GSK3B: variants seen among roughly 807,000 people sequenced by gnomAD.
The protein encoded by GSK3B is glycogen synthase kinase 3 beta.
GSK3B carries 15 observed loss-of-function variants against 56.4 expected under a neutral mutation model. The ratio of observed to expected loss-of-function variants is 0.27; its 90% CI spans 0.18 to 0.41. The LOEUF is 0.41. Among genes scored for constraint, GSK3B ranks in the 10% least tolerant of loss-of-function variants. The pLI, the probability that GSK3B is intolerant of heterozygous loss-of-function variation, is 1.00. For synonymous variants in GSK3B, 181 were observed against 188.9 expected (o/e 0.96, Z 0.34); for missense variants, 300 against 513.4 (o/e 0.58, Z 4.02).
intron 2 of GSK3B, among the ~76,000 whole-genome samples, chr3:119,977,761 T>C (rs1228583067): frequency 6.6e-6 from 1 of 151,802 alleles, no homozygotes; most frequent in African/African-American, 2.4e-5. Flanking sequence ...TTTAAGAGAG[T>C]ATAAAACCAA....
At chr3:119,905,939 TCA>T (rs2056678390) in intron 6 of GSK3B, 87 bp from the exon 7 acceptor site, 1 of 785,204 alleles carries the variant, frequency 1.3e-6, no homozygotes, top group African/African-American at 1.7e-5. Context: ...TTTACTTTGA[TCA>T]CAGAGTAAAT....
chr3:119,841,861 T>C (rs1318055442), intron 10 of GSK3B, among the ~76,000 whole-genome samples: 1 of 152,248 alleles, frequency 6.6e-6, no homozygotes, highest in Non-Finnish European at 1.5e-5. Flanking sequence ...GTTTTAAATC[T>C]TTATTAGCAA....
At chr3:120,033,822 A>T (rs766227592) in intron 1 of GSK3B, among the ~76,000 whole-genome samples, 7 of 151,958 alleles carry the variant, frequency 4.6e-5, no homozygotes, top group Non-Finnish European at 8.8e-5. Context: ...CCACGGTAAG[A>T]TGTGCTTTCT....
chr3:120,038,866 C>T (rs1199407386), intron 1 of GSK3B, among the ~76,000 whole-genome samples: 4 of 150,536 alleles, frequency 2.7e-5, no homozygotes, highest in Non-Finnish European at 4.4e-5. Context: ...TTAAAAACTT[C>T]TGCTCTTTGA....
intron 6 of GSK3B, among the ~76,000 whole-genome samples, chr3:119,911,310 A>C (rs2056732503): frequency 6.6e-6 from 1 of 152,206 alleles, no homozygotes; most frequent in Admixed American, 6.5e-5. Context: ...ATATTCAGTG[A>C]ACCATGCTAT....
At chr3:120,055,452 G>C (rs2107546754) in intron 1 of GSK3B, among the ~76,000 whole-genome samples, 1 of 151,994 alleles carries the variant, frequency 6.6e-6, no homozygotes, top group African/African-American at 2.4e-5. Context: ...ATTCTTTTTT[G>C]GTTTATGTTT....
At position 119,866,572 on chromosome 3, in the gene GSK3B, A is replaced by G. The variant is rs745338027; in HGVS notation, c.910-2967T>C. On this transcript the variant is annotated intron_variant, in intron 8 of 10. Transcript: ENST00000264235. ...AGACCTGCCCTGAAATTTTGGGAAA[A>G]AAAAATTAAGTACATACCCGCACTC... is the stretch of plus-strand genomic sequence containing the variant. 1.9e-5 allele frequency: 30 copies of G among 1,581,932 alleles called. 2 individuals carry two copies. In the South Asian group the frequency reaches 3.4e-4, roughly 18 times the overall value.
At chr3:119,949,831 A>G (rs2057138524) in intron 2 of GSK3B, among the ~76,000 whole-genome samples, 1 of 151,526 alleles carries the variant, frequency 6.6e-6, no homozygotes, top group East Asian at 1.9e-4. Flanking sequence ...TAAAAATTTA[A>G]GAGAATAAAT....
intron 1 of GSK3B, among the ~76,000 whole-genome samples, chr3:120,020,164 A>G (rs1395539915): frequency 1.3e-5 from 2 of 152,220 alleles, no homozygotes; most frequent in African/African-American, 4.8e-5. Context: ...TTAACTATGG[A>G]AAATAAAATA....
intron 9 of GSK3B, among the ~76,000 whole-genome samples, chr3:119,862,695 T>A: frequency 7.3e-6 from 1 of 137,704 alleles, no homozygotes; most frequent in Non-Finnish European, 1.6e-5. Context: ...TTGTAATGAA[T>A]TGTACACTTT....
chr3:120,078,819 G>A (rs2058388407), intron 1 of GSK3B, among the ~76,000 whole-genome samples: 1 of 150,866 alleles, frequency 6.6e-6, no homozygotes, highest in African/African-American at 2.4e-5. Context: ...CCCTCTGGGA[G>A]GGATTACAGA....
At chr3:119,984,970 C>A (rs984629865) in intron 2 of GSK3B, among the ~76,000 whole-genome samples, 2 of 152,146 alleles carry the variant, frequency 1.3e-5, no homozygotes, top group Non-Finnish European at 2.9e-5. Flanking sequence ...AATCCAGCAG[C>A]ACATCAAAAA....
chr3:119,846,395 A>G (rs1259049138), intron 9 of GSK3B, among the ~76,000 whole-genome samples: 1 of 152,226 alleles, frequency 6.6e-6, no homozygotes, highest in Non-Finnish European at 1.5e-5. Flanking sequence ...TCCATCTGAC[A>G]AAGGGCTAAT....
intron 10 of GSK3B, among the ~76,000 whole-genome samples, chr3:119,836,150 GAACA>G (rs1411641770): frequency 4.6e-5 from 7 of 152,138 alleles, no homozygotes; most frequent in African/African-American, 1.7e-4. Flanking sequence ...GAAGTTTGAA[GAACA>G]AATAGGTATG....
At chr3:120,015,113 G>C (rs1024528279) in intron 1 of GSK3B, among the ~76,000 whole-genome samples, 7 of 152,162 alleles carry the variant, frequency 4.6e-5, no homozygotes, top group African/African-American at 1.7e-4. Context: ...CTGCTACTTA[G>C]GGTTGTGACA....
intron 3 of GSK3B, among the ~76,000 whole-genome samples, chr3:119,934,943 T>C (rs530335498): frequency 2.6e-5 from 4 of 152,276 alleles, no homozygotes; most frequent in Non-Finnish European, 4.4e-5. Context: ...AGTATGCATG[T>C]AATAACATTT....
intron 3 of GSK3B, among the ~76,000 whole-genome samples, chr3:119,936,579 C>A (rs2056997301): frequency 6.6e-6 from 1 of 151,548 alleles, no homozygotes; most frequent in Non-Finnish European, 1.5e-5. Context: ...AACTCCTGAC[C>A]TCAGGTGATC....
rs2055803442 is a variant in GSK3B at position 119,843,239 on chromosome 3, C to T, written c.1195+16G>A. ...CCAGAATATGTTTTTATAGAAGAGACTTAGAACGTTCTTACCTGACGCTGC... is the reference window on the plus strand; with the variant it reads ...CCAGAATATGTTTTTATAGAAGAGATTTAGAACGTTCTTACCTGACGCTGC... On this transcript the variant is annotated intron_variant, in intron 10 of 10. Coordinates refer to ENST00000264235, the MANE Select transcript of GSK3B (RefSeq NM_001146156.2). 3 of 1,545,654 alleles carry T rather than the reference C, an allele frequency of 1.9e-6. No homozygotes were observed. Among genetic ancestry groups the T allele is most frequent in the African/African-American group, 2.7e-5 (2 of 73,372 alleles).
chr3:119,846,475 G>C (rs546070548), intron 9 of GSK3B, among the ~76,000 whole-genome samples: 2 of 152,184 alleles, frequency 1.3e-5, no homozygotes, highest in African/African-American at 4.8e-5. Flanking sequence ...AAAAGTGGGC[G>C]AAAGATATGA....
Sources: gnomAD v4.1 joint callset for allele counts (sites outside exome capture counted in the v4.1 genomes callset) on GRCh38, gnomAD v4.1.1 for gene constraint, MANE v1.5 for transcripts, NCBI Gene and HGNC (gene_info 2026-07-23, HGNC 2026-07-21) for gene names.